Variants in RAD54L2 observed in about 807,000 individuals in gnomAD.
RAD54L2 encodes RAD54 like 2, also known as helicase ARIP4.
In RAD54L2, 27 loss-of-function variants were observed where a neutral mutation model predicts 138.4. The ratio of observed to expected loss-of-function variants is 0.20; its 90% CI spans 0.14 to 0.27. The LOEUF is 0.27. RAD54L2 is among the 10% of genes least tolerant of loss of function. The pLI, the probability that RAD54L2 is intolerant of heterozygous loss-of-function variation, is 1.00. For missense variants in RAD54L2, 1,396 were observed against 1,890.2 expected, an observed-to-expected ratio of 0.74 and a Z score of 4.85; for synonymous variants, 644 against 723.2, an observed-to-expected ratio of 0.89 and a Z score of 1.76.
intron 2 of RAD54L2, among the ~76,000 whole-genome samples, chr3:51,587,136 T>C (rs1255237257): frequency 1.3e-5 from 2 of 152,032 alleles, no homozygotes; most frequent in Non-Finnish European, 2.9e-5. Flanking sequence ...AGTCTCGCTG[T>C]GTCGCCCAGG....
In RAD54L2 at chr3:51,633,923, C is replaced by T; in HGVS notation, c.1030C>T (p.Leu344=). Reference sequence around the variant, plus strand: ...ATAGGTTAATACTCTTCAGAATTGGCTGGCAGAGTTCAACATGTGGCTTCC... The same window carrying T: ...ATAGGTTAATACTCTTCAGAATTGGTTGGCAGAGTTCAACATGTGGCTTCC... The part of the protein sequence containing the change: ...IVPVNTLQNW[L]AEFNMWLPPP... The change falls in exon 9 of 23, where the codon CTG becomes TTG. Residue 344 remains leucine, a synonymous_variant. Transcript: ENST00000684192. 6.2e-7 allele frequency: 1 copy of T among 1,613,902 alleles called. No homozygotes were observed. Among genetic ancestry groups the T allele is most frequent in the Non-Finnish European group, 8.5e-7 (1 of 1,179,832 alleles).
intron 2 of RAD54L2, among the ~76,000 whole-genome samples, chr3:51,547,826 C>T (rs1698733979): frequency 6.6e-6 from 1 of 152,162 alleles, no homozygotes; most frequent in South Asian, 2.1e-4. Flanking sequence ...AAGCGATTCA[C>T]CCGCCTTGGC....
intron 22 of RAD54L2, among the ~76,000 whole-genome samples, chr3:51,661,692 C>T (rs1208991508): frequency 6.6e-6 from 1 of 152,204 alleles, no homozygotes; most frequent in Non-Finnish European, 1.5e-5. Context: ...AATTTTCATA[C>T]ATACAGAAAA....
Position 51,656,123 on chromosome 3 carries a change from A to G in RAD54L2, c.3179A>G (p.Tyr1060Cys), listed in dbSNP as rs371223398. The change falls in exon 20 of 23, where the codon TAC becomes TGC. Residue 1060 changes from tyrosine (Y) to cysteine (C), a missense_variant. Coordinates refer to ENST00000684192, the MANE Select transcript of RAD54L2 (RefSeq NM_015106.4). ...CCATCCATGAACTTTCCCATCAACTACTTGCAGCGTGCAGGAGTCCTTGTG... is the reference window on the plus strand; with the variant it reads ...CCATCCATGAACTTTCCCATCAACTGCTTGCAGCGTGCAGGAGTCCTTGTG... Reference protein sequence around the residue: ...TNPSMNFPINYLQRAGVLVQK... With the variant: ...TNPSMNFPINCLQRAGVLVQK... The G allele has an allele frequency of 1.2e-6, 2 of 1,613,860 alleles. No homozygotes were observed. The highest frequency in any genetic ancestry group is 8.5e-7 in the Non-Finnish European group (1 of 1,179,878).
chr3:51,567,317 G>T (rs1699239337), intron 2 of RAD54L2, among the ~76,000 whole-genome samples: 1 of 152,144 alleles, frequency 6.6e-6, no homozygotes, highest in Non-Finnish European at 1.5e-5. Context: ...AAGTTGCAGG[G>T]TCTCTTAACT....
chr3:51,624,461 T>G (rs1175085490), intron 3 of RAD54L2, among the ~76,000 whole-genome samples: 3 of 152,136 alleles, frequency 2.0e-5, no homozygotes, highest in Non-Finnish European at 4.4e-5. Context: ...GGTTTTGCTA[T>G]GTTGCCCAGG....
chr3:51,593,929 C>T (rs1053095884), intron 3 of RAD54L2, among the ~76,000 whole-genome samples: 4 of 151,812 alleles, frequency 2.6e-5, no homozygotes, highest in African/African-American at 4.8e-5. Context: ...TAAGAATGTG[C>T]GTAGCTCATT....
In RAD54L2 at chr3:51,657,682, C is replaced by A. The variant is rs1286130000; in HGVS notation, c.3316+13C>A. 2 of 1,526,036 alleles carry A rather than the reference C, an allele frequency of 1.3e-6. No individual in the cohort carries two copies. The highest frequency in any genetic ancestry group is 1.8e-6 in the Non-Finnish European group (2 of 1,118,874). 94.5% of individuals were successfully genotyped at this position (1,526,036 alleles called of 1,614,324 possible). On this transcript the variant is annotated intron_variant, in intron 21 of 22. Coordinates refer to ENST00000684192, the MANE Select transcript of RAD54L2 (RefSeq NM_015106.4). ...CGTGGGACAAAAGGTAAGAGCCTGACCAAGGACCTGTTCCCTGCCTTTGGT... is the reference window on the plus strand; with the variant it reads ...CGTGGGACAAAAGGTAAGAGCCTGAACAAGGACCTGTTCCCTGCCTTTGGT...
At chr3:51,601,954 C>T (rs1700092035) in intron 3 of RAD54L2, among the ~76,000 whole-genome samples, 1 of 151,666 alleles carries the variant, frequency 6.6e-6, no homozygotes, top group South Asian at 2.1e-4. Flanking sequence ...CCTCAGCCCC[C>T]TGAGTTGCCA....
chr3:51,586,795 C>T (rs909305537), intron 2 of RAD54L2, among the ~76,000 whole-genome samples: 21 of 152,112 alleles, frequency 1.4e-4, no homozygotes, highest in African/African-American at 5.1e-4. Context: ...TCTTGAACTC[C>T]TGACCTCAGG....
chr3:51,540,989 C>T, intron 1 of RAD54L2, among the ~76,000 whole-genome samples: 1 of 146,576 alleles, frequency 6.8e-6, no homozygotes, highest in East Asian at 2.0e-4. Context: ...TACAATGAGC[C>T]GAGATCGTGC....
chr3:51,663,459 AG>A lies in RAD54L2; in HGVS notation c.*41del. ...CCCCACCTCACTTGGGGCCCCCAGC[AG>A]GTTGCCCACCAAGCTGAAAGGCAGT... On this transcript the variant is annotated 3_prime_UTR_variant, in exon 23 of 23. Transcript: ENST00000684192. 3 of 1,585,770 alleles carry A rather than the reference AG, an allele frequency of 1.9e-6. No individual in the cohort carries two copies. The highest frequency in any genetic ancestry group is 2.6e-6 in the Non-Finnish European group (3 of 1,163,462).
chr3:51,548,223 C>G (rs1280567544), intron 2 of RAD54L2, among the ~76,000 whole-genome samples: 1 of 147,292 alleles, frequency 6.8e-6, no homozygotes, highest in African/African-American at 2.5e-5. Flanking sequence ...GAGTCTTGCT[C>G]TGTCGCCCAG....
In RAD54L2 at chr3:51,663,030, G is replaced by T. The variant is rs1481829074; in HGVS notation, c.4014G>T (p.Leu1338=). Residue 1338 remains leucine (L), a synonymous_variant, in exon 23 of 23, where the codon CTG becomes CTT. Coordinates refer to ENST00000684192, the MANE Select transcript of RAD54L2 (RefSeq NM_015106.4). ...CCAATTTGCTGGCAGATGCCCGCCT[G>T]GTGTTTCCAGTGACTACTGACCCTC... ...QLSNLLADAR[L]VFPVTTDPLV... is the part of the protein sequence containing the mutation. 6.2e-7 allele frequency: 1 copy of T among 1,613,832 alleles called. No individual in the cohort carries two copies. Among genetic ancestry groups the T allele is most frequent in the African/African-American group, 1.3e-5 (1 of 74,882 alleles).
At position 51,634,158 on chromosome 3, in the gene RAD54L2, G is replaced by A. The variant is rs1700918759; in HGVS notation, c.1142+123G>A. The A allele has an allele frequency of 2.4e-6, 3 of 1,266,954 alleles. No individual in the cohort carries two copies. The South Asian group carries it at 4.7e-5, about 20-fold the overall frequency. The allele number at this position is 1,266,954 out of a possible 1,614,324, so 78.5% of individuals were successfully genotyped here. A position where few individuals can be genotyped will look rare whatever the true frequency, so the allele number is the denominator to read the frequency against. ...CTAGATTTGTTTTTGGTTTCCTGAT[G>A]TATCACTTTCTCTGTTCTTGCTACT... On this transcript the variant is annotated intron_variant, in intron 9 of 22. Transcript: ENST00000684192.
intron 7 of RAD54L2, among the ~76,000 whole-genome samples, chr3:51,633,125 C>A (rs1386436220): frequency 6.6e-6 from 1 of 152,024 alleles, no homozygotes; most frequent in Non-Finnish European, 1.5e-5. Flanking sequence ...GAGGCTGAGG[C>A]AAGAGAATCG....
At chr3:51,630,507 T>G (rs1463922360) in intron 6 of RAD54L2, 119 bp downstream of exon 6, 1 of 1,029,090 alleles carries the variant, frequency 9.7e-7, no homozygotes, top group Non-Finnish European at 1.4e-6. Context: ...TTGACTAATT[T>G]CCCTGTGTCT....
At chr3:51,646,502 G>A (rs772830009) in intron 19 of RAD54L2, 21 bp downstream of exon 19, 4 of 1,583,622 alleles carry the variant, frequency 2.5e-6, no homozygotes, top group Middle Eastern at 1.8e-4. Context: ...GAAAGGGGAG[G>A]GTCTGCTGCT....
rs530418448 is a variant in RAD54L2 at position 51,559,651 on chromosome 3, T to A, written c.-55+18001T>A. Among the ~76,000 whole-genome samples, 3 of 152,324 alleles carry A rather than the reference T, an allele frequency of 2.0e-5. No homozygotes were observed. In the East Asian group the frequency reaches 5.8e-4, roughly 29 times the overall value. Reference sequence around the variant, plus strand: ...ATGTTTTCTGGGCTTGGCGCCAAATTTTTACTTAACTTTTGGGTAAAACTG... The same window carrying A: ...ATGTTTTCTGGGCTTGGCGCCAAATATTTACTTAACTTTTGGGTAAAACTG... On this transcript the variant is annotated intron_variant, in intron 2 of 22. Transcript: ENST00000684192.
Sources: allele counts gnomAD v4.1 joint callset (sites outside exome capture counted in the v4.1 genomes callset), GRCh38; gene constraint gnomAD v4.1.1; transcripts MANE v1.5; gene names NCBI Gene and HGNC (gene_info 2026-07-23, HGNC 2026-07-21).